The following AGPAT5 variants were observed in gnomAD, a reference collection of about 807,000 sequenced individuals.
AGPAT5 encodes 1-acyl-sn-glycerol-3-phosphate acyltransferase epsilon.
Under a neutral mutation model 45.6 loss-of-function variants are expected in AGPAT5, and 46 were observed. The ratio of observed to expected loss-of-function variants is 1.01; its 90% CI spans 0.80 to 1.29. The LOEUF (loss-of-function observed/expected upper bound fraction) is 1.29. AGPAT5 is among the 50% of genes most tolerant of loss of function. The pLI is 0.00. For missense variants in AGPAT5, 673 were observed against 450.7 expected (o/e 1.49, Z -4.47); for synonymous variants, 272 against 167.0 (o/e 1.63, Z -4.85).
intron 1 of AGPAT5, among the ~76,000 whole-genome samples, chr8:6,713,697 G>A (rs564909660): frequency 6.7e-6 from 1 of 149,738 alleles, no homozygotes; most frequent in South Asian, 2.1e-4. Flanking sequence ...GGGACTACAG[G>A]TACACAGCAC....
At chr8:6,749,512 C>T (rs900810258) in intron 6 of AGPAT5, among the ~76,000 whole-genome samples, 1 of 152,136 alleles carries the variant, frequency 6.6e-6, no homozygotes, top group Non-Finnish European at 1.5e-5. Flanking sequence ...CCTTGCTTTC[C>T]ACCCTGCTAC....
At chr8:6,716,587 C>T (rs190140804) in intron 1 of AGPAT5, among the ~76,000 whole-genome samples, 3 of 152,202 alleles carry the variant, frequency 2.0e-5, no homozygotes, top group East Asian at 1.9e-4. Context: ...GTAATCCAAG[C>T]ACTTTGGGAG....
At chr8:6,745,238 C>G (rs1186590791) in intron 5 of AGPAT5, 1 of 154,414 alleles carries the variant, frequency 6.5e-6, no homozygotes, top group African/African-American at 2.4e-5. Flanking sequence ...GCAACGTCAA[C>G]AGTTTCTAAG....
In AGPAT5 at chr8:6,759,286, C is replaced by T. The variant is rs1411234119; in HGVS notation, c.*1898C>T. On this transcript the variant is annotated 3_prime_UTR_variant, in exon 8 of 8. Coordinates refer to ENST00000285518, the MANE Select transcript of AGPAT5 (RefSeq NM_018361.5). ...TGTTGGAATTATGTGGATTCTAACT[C>T]ATTTTAACAAGGTAGCCTGACCTGC... 6.6e-6 allele frequency: 1 copy of T among 152,136 alleles called. No homozygotes were observed. Among genetic ancestry groups the T allele is most frequent in the Non-Finnish European group, 1.5e-5 (1 of 68,020 alleles). 9.4% of individuals were successfully genotyped at this position (152,136 alleles called of 1,614,324 possible).
chr8:6,739,550 A>G (rs1801170692), intron 4 of AGPAT5, among the ~76,000 whole-genome samples: 1 of 152,136 alleles, frequency 6.6e-6, no homozygotes, highest in African/African-American at 2.4e-5. Context: ...TGTAGATGAC[A>G]TTTAAAAAAA....
chr8:6,745,464 G>A (rs1801410421), intron 5 of AGPAT5, among the ~76,000 whole-genome samples: 1 of 152,146 alleles, frequency 6.6e-6, no homozygotes, highest in African/African-American at 2.4e-5. Context: ...GACCTCCAAA[G>A]CATCGTATCA....
At chr8:6,746,463 G>A (rs564769499) in intron 5 of AGPAT5, among the ~76,000 whole-genome samples, 2 of 152,266 alleles carry the variant, frequency 1.3e-5, no homozygotes, top group Admixed American at 6.5e-5. Context: ...TTGTTTTAGT[G>A]AACACCACAG....
intron 1 of AGPAT5, among the ~76,000 whole-genome samples, chr8:6,721,457 C>A (rs1325943442): frequency 1.3e-5 from 2 of 152,106 alleles, no homozygotes; most frequent in Non-Finnish European, 2.9e-5. Flanking sequence ...GACAGGTTAA[C>A]CTATTTTAGT....
At chr8:6,749,810 T>A (rs1056265741) in intron 6 of AGPAT5, among the ~76,000 whole-genome samples, 2 of 152,222 alleles carry the variant, frequency 1.3e-5, no homozygotes, top group Non-Finnish European at 2.9e-5. Context: ...TAACCTTGTT[T>A]AAATGCTGCT....
rs781007850 is a variant in AGPAT5 at position 6,724,895 on chromosome 8, A to C, written c.245A>C (p.Lys82Thr). 3.5e-6 allele frequency: 4 copies of C among 1,144,024 alleles called. No individual in the cohort carries two copies. The African/African-American group carries it at 4.8e-5, about 14-fold the overall frequency. 70.9% of individuals were successfully genotyped at this position (1,144,024 alleles called of 1,614,324 possible). A position where few individuals can be genotyped will look rare whatever the true frequency, so the allele number is the denominator to read the frequency against. Residue 82 changes from lysine (K) to threonine (T), a missense_variant, in exon 2 of 8, where the codon AAA becomes ACA. By Grantham distance (78) the Lys-to-Thr change is moderately conservative. Coordinates refer to ENST00000285518, the MANE Select transcript of AGPAT5 (RefSeq NM_018361.5). ...VQILLYGDLP[K>T]NKENIIYLAN... The stretch of plus-strand genomic sequence containing the variant: ...ATATTGCTATATGGAGATTTGCCAA[A>C]AAATAAAGAAAATATAATATATTTA...
intron 6 of AGPAT5, among the ~76,000 whole-genome samples, chr8:6,749,849 A>G (rs2116952146): frequency 6.6e-6 from 1 of 152,338 alleles, no homozygotes; most frequent in Non-Finnish European, 1.5e-5. Context: ...CCTGTCTAAG[A>G]ACCCCTTGGT....
At chr8:6,737,607 A>G (rs900611859) in intron 4 of AGPAT5, among the ~76,000 whole-genome samples, 2 of 152,242 alleles carry the variant, frequency 1.3e-5, no homozygotes, top group Non-Finnish European at 2.9e-5. Context: ...TTGTTAGACT[A>G]TGAGCTAGTA....
Position 6,741,705 on chromosome 8 carries a change from G to A in AGPAT5, c.540G>A (p.Glu180=), listed in dbSNP as rs1257776403. The change falls in exon 5 of 8, where the codon GAG becomes GAA. Residue 180 remains glutamate, a synonymous_variant. Coordinates refer to ENST00000285518, the MANE Select transcript of AGPAT5 (RefSeq NM_018361.5). ...CAGAAGGTACAAGGTATAATCCAGA[G>A]CAAACAAAAGTCCTTTCAGCTAGTC... ...IFPEGTRYNP[E]QTKVLSASQA... is the part of the protein sequence containing the mutation. 7 of 1,612,674 alleles carry A rather than the reference G, an allele frequency of 4.3e-6. No homozygotes were observed. The highest frequency in any genetic ancestry group is 4.0e-5 in the African/African-American group (3 of 74,878).
chr8:6,710,127 T>A (rs1167557734), intron 1 of AGPAT5, among the ~76,000 whole-genome samples: 1 of 151,420 alleles, frequency 6.6e-6, no homozygotes, highest in Non-Finnish European at 1.5e-5. Context: ...CATTCACCTC[T>A]TAAAAAAATA....
At chr8:6,741,448 C>G (rs886484591) in intron 4 of AGPAT5, among the ~76,000 whole-genome samples, 6 of 152,064 alleles carry the variant, frequency 3.9e-5, no homozygotes, top group African/African-American at 1.4e-4. Flanking sequence ...ATGAATGTAG[C>G]ACTGCATTTA....
At position 6,708,647 on chromosome 8, in the gene AGPAT5, T is replaced by C. The variant is rs1800017122; in HGVS notation, c.-22T>C. On this transcript the variant is annotated 5_prime_UTR_variant, in exon 1 of 8. Transcript: ENST00000285518. ...GGCGGGCGGGGAGCGCAGGCGGAGC[T>C]CGCTGCCGCCGAGCTGAGAAGATGC... is the stretch of plus-strand genomic sequence containing the variant. 6.6e-7 allele frequency: 1 copy of C among 1,505,538 alleles called. No homozygotes were observed. Among genetic ancestry groups the C allele is most frequent in the Non-Finnish European group, 8.8e-7 (1 of 1,130,936 alleles). 93.3% of individuals were successfully genotyped at this position (1,505,538 alleles called of 1,614,324 possible). A position where few individuals can be genotyped will look rare whatever the true frequency, so the allele number is the denominator to read the frequency against.
intron 1 of AGPAT5, among the ~76,000 whole-genome samples, chr8:6,714,536 G>T (rs1800258580): frequency 6.6e-6 from 1 of 152,106 alleles, no homozygotes; most frequent in East Asian, 1.9e-4. Flanking sequence ...GTTTTTTAAT[G>T]CCTGATTTTT....
At chr8:6,711,375 G>A (rs1800151017) in intron 1 of AGPAT5, among the ~76,000 whole-genome samples, 1 of 152,210 alleles carries the variant, frequency 6.6e-6, no homozygotes. Context: ...TTCAGTCAGT[G>A]CTGCTAAAAT....
At chr8:6,711,119 T>A (rs1026592656) in intron 1 of AGPAT5, among the ~76,000 whole-genome samples, 4 of 152,188 alleles carry the variant, frequency 2.6e-5, no homozygotes, top group Non-Finnish European at 4.4e-5. Flanking sequence ...TTTTTACACC[T>A]TTCAACTCTA....
Sources: allele counts gnomAD v4.1 joint callset (sites outside exome capture counted in the v4.1 genomes callset), GRCh38; gene constraint gnomAD v4.1.1; transcripts MANE v1.5; gene names NCBI Gene and HGNC (gene_info 2026-07-23, HGNC 2026-07-21).